The following PLA2G5 variants were observed in gnomAD, a reference collection of about 807,000 sequenced individuals.
The protein encoded by PLA2G5 is Ca2+-dependent phospholipase A2.
A neutral mutation model predicts 15.9 loss-of-function variants in PLA2G5; 12 were observed. The ratio of observed to expected loss-of-function variants is 0.76; its 90% CI spans 0.48 to 1.23. The LOEUF (loss-of-function observed/expected upper bound fraction) is 1.23. PLA2G5 is among the 50% of genes most tolerant of loss of function. The probability of loss-of-function intolerance (pLI) is 0.00; values close to 1 mark genes in which losing one functional copy is unlikely to be tolerated. For missense variants in PLA2G5, 169 were observed against 177.1 expected, an observed-to-expected ratio of 0.95 and a Z score of 0.26; for synonymous variants, 71 against 71.4, an observed-to-expected ratio of 0.99 and a Z score of 0.03.
At chr1:20,065,155 G>T (rs2014954364) in intron 2 of PLA2G5, among the ~76,000 whole-genome samples, 2 of 152,140 alleles carry the variant, frequency 1.3e-5, no homozygotes, top group South Asian at 2.1e-4. Context: ...ATTTACATAA[G>T]AATTGTATAG....
At chr1:20,066,863 A>C (rs561397898), upstream of PLA2G5, among the ~76,000 whole-genome samples, 1 of 152,184 alleles carries the variant, frequency 6.6e-6, no homozygotes, top group Non-Finnish European at 1.5e-5. Context: ...AAAATTAGTC[A>C]GCTGTGGTGA....
intron 1 of PLA2G5, among the ~76,000 whole-genome samples, chr1:20,052,432 C>A (rs1258387151): frequency 6.6e-6 from 1 of 152,152 alleles, no homozygotes; most frequent in Non-Finnish European, 1.5e-5. Context: ...TAACAGCAAC[C>A]TATTTACATA....
chr1:20,038,268 C>T (rs2013384125), intron 1 of PLA2G5, among the ~76,000 whole-genome samples: 1 of 152,116 alleles, frequency 6.6e-6, no homozygotes, highest in South Asian at 2.1e-4. Context: ...TTCCCTGCCA[C>T]CACCACCCCC....
upstream of PLA2G5, among the ~76,000 whole-genome samples, chr1:20,068,083 A>C (rs948510622): frequency 2.0e-5 from 3 of 152,096 alleles, no homozygotes; most frequent in African/African-American, 7.2e-5. Flanking sequence ...GTGCCATTGC[A>C]CTCCAGCCTG....
chr1:20,084,835 A>C lies in PLA2G5; in HGVS notation c.5A>C (p.Lys2Thr). 1.2e-6 allele frequency: 2 copies of C among 1,610,370 alleles called. No homozygotes were observed. The highest frequency in any genetic ancestry group is 1.7e-6 in the Non-Finnish European group (2 of 1,176,656). The change falls in exon 2 of 5, where the codon AAA (lysine) becomes ACA (threonine). Residue 2 changes from lysine (K) to threonine (T), a missense_variant. Physicochemically the swap from Lys to Thr is moderately conservative, Grantham distance 78. Transcript: ENST00000375108. M[K>T]GLLPLAWFLA... ...TTTTTTTCCAGAACCCCAGAGATGA[A>C]AGGCCTCCTCCCACTGGCTTGGTTC...
chr1:20,075,977 T>A (rs1207600549), intron 1 of PLA2G5, among the ~76,000 whole-genome samples: 1 of 151,148 alleles, frequency 6.6e-6, no homozygotes, highest in Non-Finnish European at 1.5e-5. Flanking sequence ...GTTCAAGCGA[T>A]TCTCCTGCCT....
At chr1:20,077,257 TG>T (rs1355184647) in intron 1 of PLA2G5, among the ~76,000 whole-genome samples, 1 of 152,206 alleles carries the variant, frequency 6.6e-6, no homozygotes, top group Admixed American at 6.5e-5. Flanking sequence ...TTGGATCCAT[TG>T]CCAAGAAAGG....
At position 20,078,975 on chromosome 1, in the gene PLA2G5, G is replaced by A. The variant is rs192692751; in HGVS notation, c.-10-5846G>A. ...TGCACAAAGAAATTAGCCAGGCATGGTGGTGCCCACTGTAGTCTCAGCTAC... is the reference window on the plus strand; with the variant it reads ...TGCACAAAGAAATTAGCCAGGCATGATGGTGCCCACTGTAGTCTCAGCTAC... On this transcript the variant is annotated intron_variant, in intron 1 of 4. Coordinates refer to ENST00000375108, the MANE Select transcript of PLA2G5 (RefSeq NM_000929.3). Among the ~76,000 whole-genome samples, 550 of 152,118 alleles carry A rather than the reference G, an allele frequency of 3.6e-3. 4 individuals carry two copies. The highest frequency in any genetic ancestry group is 0.011 in the African/African-American group (468 of 41,502).
intron 1 of PLA2G5, among the ~76,000 whole-genome samples, chr1:20,049,449 C>G (rs543448206): frequency 6.6e-6 from 1 of 151,364 alleles, no homozygotes; most frequent in Admixed American, 6.6e-5. Context: ...TTTTTTTAAC[C>G]CTGATATGAT....
In PLA2G5 at chr1:20,060,229, C is replaced by G. The variant is rs183640509; in HGVS notation, n.337+537C>G. On this transcript the variant is annotated intron_variant and non_coding_transcript_variant, in intron 2 of 6. Transcript: ENST00000460175. ...TTATCTTCAATCAGTTCACTATTTA[C>G]TGACTTTCTTTTTTCTTCTTTTTTT... 4.3e-4 allele frequency among the ~76,000 whole-genome samples: 56 copies of G among 129,136 alleles called. No homozygotes were observed. The East Asian group carries it at 0.012, about 29-fold the overall frequency. 84.7% of individuals were successfully genotyped at this position (129,136 alleles called of 152,430 possible).
intron 1 of PLA2G5, among the ~76,000 whole-genome samples, chr1:20,081,039 G>T (rs2015990667): frequency 6.6e-6 from 1 of 151,912 alleles, no homozygotes; most frequent in Admixed American, 6.5e-5. Context: ...GGGAGGTCTT[G>T]GAGCTGCTGC....
intron 1 of PLA2G5, among the ~76,000 whole-genome samples, chr1:20,029,991 TG>T (rs1299728948): frequency 6.6e-6 from 1 of 152,232 alleles, no homozygotes; most frequent in Non-Finnish European, 1.5e-5. Context: ...ATAAAGTTTT[TG>T]TTCCAACTTT....
intron 1 of PLA2G5, among the ~76,000 whole-genome samples, chr1:20,079,678 A>G (rs1482509739): frequency 6.6e-6 from 1 of 152,070 alleles, no homozygotes; most frequent in Non-Finnish European, 1.5e-5. Context: ...CTTGTTTTAT[A>G]TACTACATTC....
intron 1 of PLA2G5, among the ~76,000 whole-genome samples, chr1:20,042,585 G>C (rs2013670520): frequency 6.6e-6 from 1 of 152,108 alleles, no homozygotes; most frequent in South Asian, 2.1e-4. Flanking sequence ...TGTTTTTAAG[G>C]AATGGAAAGA....
At chr1:20,064,409 A>G (rs1173284701) in intron 2 of PLA2G5, among the ~76,000 whole-genome samples, 1 of 151,954 alleles carries the variant, frequency 6.6e-6, no homozygotes, top group African/African-American at 2.4e-5. Flanking sequence ...TCCTGTCTCT[A>G]CTAAAAATAC....
At chr1:20,087,731 CA>C (rs2016365963) in intron 3 of PLA2G5, among the ~76,000 whole-genome samples, 1 of 151,712 alleles carries the variant, frequency 6.6e-6, no homozygotes, top group South Asian at 2.1e-4. Context: ...ATTCTAGGAC[CA>C]AGGCAGGAAA....
intron 1 of PLA2G5, among the ~76,000 whole-genome samples, chr1:20,074,844 C>T (rs1285373259): frequency 6.6e-6 from 1 of 152,232 alleles, no homozygotes; most frequent in African/African-American, 2.4e-5. Context: ...CTCCTACTCC[C>T]CACAGCCCTT....
At chr1:20,073,908 G>C (rs2015524190) in intron 1 of PLA2G5, among the ~76,000 whole-genome samples, 1 of 151,982 alleles carries the variant, frequency 6.6e-6, no homozygotes, top group Non-Finnish European at 1.5e-5. Flanking sequence ...TCTGCTACCT[G>C]CTAATAATAT....
At chr1:20,074,383 C>G (rs924053615) in intron 1 of PLA2G5, among the ~76,000 whole-genome samples, 1 of 152,178 alleles carries the variant, frequency 6.6e-6, no homozygotes, top group African/African-American at 2.4e-5. Context: ...ACAGCTCTCT[C>G]CATGTTACGG....
Sources: allele counts gnomAD v4.1 joint callset (sites outside exome capture counted in the v4.1 genomes callset), GRCh38; gene constraint gnomAD v4.1.1; transcripts MANE v1.5; gene names NCBI Gene and HGNC (gene_info 2026-07-23, HGNC 2026-07-21).